NBEAL2: variants seen among roughly 807,000 people sequenced by gnomAD.
NBEAL2 encodes the protein neurobeachin like 2.
NBEAL2 carries 160 observed loss-of-function variants against 299.8 expected under a neutral mutation model. The observed-to-expected ratio is 0.53, with a 90% CI of 0.47 to 0.61. The LOEUF is 0.61. Among genes scored for constraint, NBEAL2 ranks in the 20% least tolerant of loss-of-function variants. The pLI, the probability that NBEAL2 is intolerant of heterozygous loss-of-function variation, is 0.00. For missense variants in NBEAL2, 3,112 were observed against 3,649.0 expected (o/e 0.85, Z 3.79); for synonymous variants, 1,493 against 1,542.3 (o/e 0.97, Z 0.75).
At chr3:46,994,931 T>G (rs1272239749) in intron 12 of NBEAL2, 101 bp from the exon 13 acceptor site, 2 of 1,439,432 alleles carry the variant, frequency 1.4e-6, no homozygotes, top group African/African-American at 2.9e-5. Flanking sequence ...GAGTAGATCA[T>G]GTTGCTGACT....
intron 42 of NBEAL2, 38 bp from the exon 43 acceptor site, chr3:47,005,908 A>T: frequency 6.2e-7 from 1 of 1,612,578 alleles, no homozygotes. Context: ...ATGGGGGGTC[A>T]GCTGTCCCTG....
At chr3:46,994,685 G>A in intron 12 of NBEAL2, 132 bp downstream of exon 12, 1 of 807,992 alleles carries the variant, frequency 1.2e-6, no homozygotes, top group Non-Finnish European at 1.9e-6. Context: ...CTGTAGCCTG[G>A]CCATGTCTGT....
In NBEAL2 at chr3:47,009,037, C is replaced by T. The variant is rs2037680111; in HGVS notation, c.8076C>T (p.Ser2692=). 3 of 1,601,204 alleles carry T rather than the reference C, an allele frequency of 1.9e-6. No individual in the cohort carries two copies. Among genetic ancestry groups the T allele is most frequent in the Non-Finnish European group, 8.5e-7 (1 of 1,179,714 alleles). Residue 2692 remains serine (S), a synonymous_variant, in exon 53 of 54, where the codon AGC becomes AGT. Transcript: ENST00000450053. ...PPLPMKVAIR[S]VAVTKERSHV... ...TGCCCATGAAGGTGGCCATCCGCAGCGTGGCCGTGACCAAGGAGCGCAGCC... is the reference window on the plus strand; with the variant it reads ...TGCCCATGAAGGTGGCCATCCGCAGTGTGGCCGTGACCAAGGAGCGCAGCC...
At chr3:46,999,206 G>T in intron 24 of NBEAL2, 89 bp downstream of exon 24, 2 of 1,532,320 alleles carry the variant, frequency 1.3e-6, no homozygotes, top group Non-Finnish European at 1.8e-6. Flanking sequence ...TTGGGCCAGC[G>T]GATGAAGCTG....
At position 47,004,312 on chromosome 3, in the gene NBEAL2, C is replaced by A; in HGVS notation, c.6117C>A (p.Leu2039=). The change falls in exon 37 of 54, where the codon CTC becomes CTA. Residue 2039 remains leucine (L), a synonymous_variant. Transcript: ENST00000450053. The surrounding 1 kb of genome is among the most constrained non-coding windows in gnomAD (Gnocchi z 5.0). The part of the protein sequence containing the change: ...TQVRNQVYSW[L]LRLRPPSQGY... ...TACGGAACCAGGTGTACTCGTGGCT[C>A]CTGCGCCTACGGCCCCCCTCTCAAG... 6.2e-7 allele frequency: 1 copy of A among 1,612,222 alleles called. No homozygotes were observed. Among genetic ancestry groups the A allele is most frequent in the African/African-American group, 1.3e-5 (1 of 74,990 alleles).
At chr3:47,007,190 A>T (rs754410917) in intron 46 of NBEAL2, 35 bp downstream of exon 46, 10 of 1,609,416 alleles carry the variant, frequency 6.2e-6, no homozygotes, top group Non-Finnish European at 7.6e-6. Context: ...GCTCAGCTCC[A>T]CTCCCCCTTG....
At chr3:46,986,414 G>C (rs1002244926) in intron 1 of NBEAL2, among the ~76,000 whole-genome samples, 65 of 152,182 alleles carry the variant, frequency 4.3e-4, no homozygotes, top group African/African-American at 1.4e-3. Context: ...GTGGGAAAAG[G>C]CCTGGATAGG....
chr3:46,981,302 C>T (rs1246794974), intron 1 of NBEAL2, among the ~76,000 whole-genome samples: 1 of 152,034 alleles, frequency 6.6e-6, no homozygotes, highest in Admixed American at 6.6e-5. Context: ...ATTAGCCGGG[C>T]GTGGTGGGGT....
chr3:46,991,933 T>C lies in NBEAL2; in HGVS notation c.1019T>C (p.Ile340Thr). Residue 340 changes from isoleucine to threonine, a missense_variant, in exon 9 of 54, where the codon ATT becomes ACT. Transcript: ENST00000450053. This position sits in a 1 kb window ranked among gnomAD's most constrained non-coding sequence, Gnocchi z 6.2. ...TGCTTTGAACACCTCACTCGGCTCA[T>C]TCAGAACAGCAAGGTGGGTAGGGCC... ...NNCFEHLTRL[I>T]QNSKLYLQSR... The C allele has an allele frequency of 6.3e-7, 1 of 1,598,882 alleles. No individual in the cohort carries two copies. Among genetic ancestry groups the C allele is most frequent in the Non-Finnish European group, 8.5e-7 (1 of 1,172,908 alleles).
At position 46,995,729 on chromosome 3, in the gene NBEAL2, C is replaced by T. The variant is rs761607283; in HGVS notation, c.1914C>T (p.Ser638=). ...CTGCCCCCAGCTTCTTTACCAGCAG[C>T]GGCTCAGGGTTTGAGGCCTTCTTCA... The part of the protein sequence containing the change: ...RKQLYSFFTS[S]GSGFEAFFTA... The change falls in exon 14 of 54, where the codon AGC becomes AGT. Residue 638 remains serine, a synonymous_variant. Transcript: ENST00000450053. 9 of 1,613,446 alleles carry T rather than the reference C, an allele frequency of 5.6e-6. No homozygotes were observed. The highest frequency in any genetic ancestry group is 2.2e-5 in the East Asian group (1 of 44,872).
At position 47,005,292 on chromosome 3, in the gene NBEAL2, C is replaced by T. The variant is rs1468380047; in HGVS notation, c.6531C>T (p.Thr2177=). 3 of 1,612,972 alleles carry T rather than the reference C, an allele frequency of 1.9e-6. No individual in the cohort carries two copies. The change falls in exon 40 of 54, where the codon ACC becomes ACT. Residue 2177 remains threonine, a synonymous_variant. Coordinates refer to ENST00000450053, the MANE Select transcript of NBEAL2 (RefSeq NM_015175.3). ...ACCTCATCCGCGTGGAGCCCTTCAC[C>T]TCCCTGCACGTCCAGCTGCAAAGTG... ...MHYLIRVEPF[T]SLHVQLQSGR...
Position 46,991,384 on chromosome 3 carries a change from C to T in NBEAL2, c.643-22C>T, listed in dbSNP as rs1179897223. ...GCTGGGTGAGCCCCTTGCCCACTGC[C>T]CATCTCTGTCCACACCTGCAGGAGA... On this transcript the variant is annotated intron_variant, in intron 7 of 53. Coordinates refer to ENST00000450053, the MANE Select transcript of NBEAL2 (RefSeq NM_015175.3). This position sits in a 1 kb window ranked among gnomAD's most constrained non-coding sequence, Gnocchi z 6.2. 2 of 1,590,820 alleles carry T rather than the reference C, an allele frequency of 1.3e-6. No individual in the cohort carries two copies. Among genetic ancestry groups the T allele is most frequent in the South Asian group, 2.3e-5 (2 of 88,410 alleles).
rs1398696576 is a variant in NBEAL2, at chr3:46,992,484, C to T, written c.1042C>T (p.Gln348Ter). Reference sequence around the variant, plus strand: ...CCCCACTTCCCCACAGCTGTACCTGCAGTCCCGGGCGCCCCCCGAGGGGGA... The same window carrying T: ...CCCCACTTCCCCACAGCTGTACCTGTAGTCCCGGGCGCCCCCCGAGGGGGA... ...RLIQNSKLYL[Q>*]SRAPPEGDSD... Residue 348 changes from glutamine (Q) to a stop codon, truncating the protein, a stop_gained, in exon 10 of 54, where the codon CAG (glutamine) becomes TAG (stop). Coordinates refer to ENST00000450053, the MANE Select transcript of NBEAL2 (RefSeq NM_015175.3). LOFTEE classifies it high-confidence loss of function. The T allele has an allele frequency of 6.2e-7, 1 of 1,605,648 alleles. No individual in the cohort carries two copies. The highest frequency in any genetic ancestry group is 1.7e-5 in the Admixed American group (1 of 59,154).
Position 47,002,315 on chromosome 3 carries a change from A to C in NBEAL2, c.5151+27A>C, listed in dbSNP as rs763579441. On this transcript the variant is annotated intron_variant, in intron 31 of 53. Transcript: ENST00000450053. ...TGCCTGGAGGTTGGGGCCCAGGAAG[A>C]GGAGTGGGGGCTGGGGCCCACATCG... The C allele has an allele frequency of 5.7e-6, 9 of 1,590,694 alleles. No homozygotes were observed. The South Asian group carries it at 1.0e-4, about 18-fold the overall frequency.
chr3:47,006,349 G>A lies in NBEAL2; in HGVS notation c.7034G>A (p.Arg2345Gln), dbSNP rs377449688. ...TACCCACAGGAGCCACATCCAACTC[G>A]GCTCTCAGCTGAGGAAGCAGCCCAT... ...CQLLKEPHPT[R>Q]LSAEEAAHRL... Residue 2345 changes from arginine (R) to glutamine (Q), a missense_variant, in exon 45 of 54, where the codon CGG becomes CAG. Transcript: ENST00000450053. 1.2e-5 allele frequency: 19 copies of A among 1,597,104 alleles called. No homozygotes were observed. The highest frequency in any genetic ancestry group is 3.5e-5 in the Admixed American group (2 of 57,332).
In NBEAL2 at chr3:46,995,458, G is replaced by C. The variant is rs1302000808; in HGVS notation, c.1723G>C (p.Ala575Pro). 3 of 1,612,756 alleles carry C rather than the reference G, an allele frequency of 1.9e-6. No individual in the cohort carries two copies. The African/African-American group carries it at 4.0e-5, about 22-fold the overall frequency. ...AGGCATGGCCAGGCACCAGGGTCCT[G>C]CACGTGCTCTGCGCTACTTTGACCT... is the stretch of plus-strand genomic sequence containing the variant. ...LSGMARHQGP[A>P]RALRYFDLTP... The change falls in exon 13 of 54, where the codon GCA becomes CCA. Residue 575 changes from alanine (A) to proline (P), a missense_variant. By Grantham distance (27) the Ala-to-Pro change is conservative. Coordinates refer to ENST00000450053, the MANE Select transcript of NBEAL2 (RefSeq NM_015175.3).
At position 47,002,277 on chromosome 3, in the gene NBEAL2, A is replaced by C. The variant is rs1233183335; in HGVS notation, c.5140A>C (p.Ile1714Leu). 2 of 1,569,742 alleles carry C rather than the reference A, an allele frequency of 1.3e-6. No homozygotes were observed. The highest frequency in any genetic ancestry group is 3.6e-5 in the Admixed American group (2 of 54,950). Residue 1714 changes from isoleucine to leucine, a missense_variant, in exon 31 of 54, where the codon ATC becomes CTC. Ile to Leu is a conservative substitution (Grantham distance 5). Around this residue, in one of 3 missense-constraint regions of NBEAL2, gnomAD observed 2,243 missense variants for 2,538.1 expected, o/e 0.88. Coordinates refer to ENST00000450053, the MANE Select transcript of NBEAL2 (RefSeq NM_015175.3). ...TGCCACACCCGAATGGCGCCACTTC[A>C]TCGACAAACAGGTGCCTGGAGGTTG... ...FCATPEWRHF[I>L]DKQVQPTMSQ...
chr3:46,981,435 C>T (rs537886312), intron 1 of NBEAL2, among the ~76,000 whole-genome samples: 3 of 151,550 alleles, frequency 2.0e-5, no homozygotes, highest in South Asian at 2.1e-4. Flanking sequence ...AGTGAGACTC[C>T]GTCTCAAAAA....
At chr3:46,980,104 T>C (rs1338560903) in intron 1 of NBEAL2, among the ~76,000 whole-genome samples, 192 bp downstream of exon 1, 1 of 152,078 alleles carries the variant, frequency 6.6e-6, no homozygotes, top group African/African-American at 2.4e-5. Flanking sequence ...CTCTGGCACT[T>C]ATGCCTTGGG....
Sources: gnomAD v4.1 joint callset for allele counts (sites outside exome capture counted in the v4.1 genomes callset) on GRCh38, gnomAD v4.1.1 for gene constraint, gnomAD v4.1.1 regional missense constraint, Gnocchi (gnomAD v3.1) non-coding constraint, MANE v1.5 for transcripts, NCBI Gene and HGNC (gene_info 2026-07-23, HGNC 2026-07-21) for gene names.